The following FGGY variants were observed in gnomAD, a reference collection of about 807,000 sequenced individuals.
FGGY encodes FGGY carbohydrate kinase domain containing.
In FGGY, 72 loss-of-function variants were observed where a neutral mutation model predicts 71.3. The observed-to-expected ratio is 1.01, with a 90% CI of 0.84 to 1.23. The LOEUF (loss-of-function observed/expected upper bound fraction) is 1.23, where lower values mean the gene tolerates loss of function less well. Among genes scored for constraint, FGGY ranks in the 50% most tolerant of loss-of-function variants. The pLI, the probability that FGGY is intolerant of heterozygous loss-of-function variation, is 0.00. For synonymous variants in FGGY, 251 were observed against 250.3 expected (o/e 1.00, Z -0.02); for missense variants, 668 against 682.3 (o/e 0.98, Z 0.23).
chr1:59,598,174 A>C (rs1451661834), intron 8 of FGGY, among the ~76,000 whole-genome samples: 1 of 152,260 alleles, frequency 6.6e-6, no homozygotes, highest in Non-Finnish European at 1.5e-5. Context: ...GAAGGCACAC[A>C]GCTCTCAGAG....
At chr1:59,334,701 G>GA (rs1020391837) in intron 2 of FGGY, among the ~76,000 whole-genome samples, 4 of 151,712 alleles carry the variant, frequency 2.6e-5, no homozygotes, top group South Asian at 4.1e-4. Flanking sequence ...TTCCAAACAG[G>GA]AAAAAAATAA....
At chr1:59,739,639 C>A (rs958232842) in intron 14 of FGGY, among the ~76,000 whole-genome samples, 1 of 152,162 alleles carries the variant, frequency 6.6e-6, no homozygotes, top group East Asian at 1.9e-4. Context: ...GTTTTAGTTT[C>A]TTTCTCTCTA....
At chr1:59,589,062 A>T (rs983748235) in intron 8 of FGGY, among the ~76,000 whole-genome samples, 10 of 152,226 alleles carry the variant, frequency 6.6e-5, no homozygotes, top group Non-Finnish European at 1.3e-4. Flanking sequence ...ATGCAGAGAC[A>T]CACATAGGCT....
intron 8 of FGGY, among the ~76,000 whole-genome samples, chr1:59,559,320 A>C (rs1391854410): frequency 6.6e-6 from 1 of 152,238 alleles, no homozygotes; most frequent in African/African-American, 2.4e-5. Flanking sequence ...GAACTGATAT[A>C]TGTCCATATT....
At chr1:59,550,606 A>T (rs1212935428) in intron 7 of FGGY, among the ~76,000 whole-genome samples, 1 of 151,878 alleles carries the variant, frequency 6.6e-6, no homozygotes, top group African/African-American at 2.4e-5. Context: ...CTGAGGAAGG[A>T]CCTCCATTTG....
intron 2 of FGGY, among the ~76,000 whole-genome samples, chr1:59,332,333 A>G (rs970111574): frequency 2.6e-5 from 4 of 152,276 alleles, no homozygotes; most frequent in African/African-American, 9.6e-5. Context: ...CTTGATTCCA[A>G]GCTGTTACAA....
chr1:59,691,641 C>CTT lies in FGGY; in HGVS notation c.1512+17523_1512+17524dup, dbSNP rs774899362. 3.9e-3 allele frequency among the ~76,000 whole-genome samples: 508 copies of CTT among 131,948 alleles called. 4 individuals carry two copies. The highest frequency in any genetic ancestry group is 0.013 in the African/African-American group (480 of 35,928). The allele number at this position is 131,948 out of a possible 152,430, so 86.6% of individuals were successfully genotyped here. A position where few individuals can be genotyped will look rare whatever the true frequency, so the allele number is the denominator to read the frequency against. ...CTTTTTTGTTCTTTTTTTTTCTTTT[C>CTT]TTTTTTTTTTTTTTTTAACTGTATG... On this transcript the variant is annotated intron_variant, in intron 14 of 15. Transcript: ENST00000303721.
chr1:59,402,406 G>A (rs1557810285), intron 5 of FGGY, among the ~76,000 whole-genome samples: 1 of 152,200 alleles, frequency 6.6e-6, no homozygotes, highest in African/African-American at 2.4e-5. Flanking sequence ...CATCACAGGA[G>A]ATGAAAAGAT....
chr1:59,467,776 C>T (rs2092719226), intron 6 of FGGY, among the ~76,000 whole-genome samples: 1 of 152,226 alleles, frequency 6.6e-6, no homozygotes, highest in Admixed American at 6.5e-5. Flanking sequence ...AACACAGTCA[C>T]TTGGCACATT....
At chr1:59,646,271 T>C (rs1434897861) in intron 11 of FGGY, among the ~76,000 whole-genome samples, 1 of 152,208 alleles carries the variant, frequency 6.6e-6, no homozygotes, top group African/African-American at 2.4e-5. Flanking sequence ...CTCTTTGATA[T>C]GAGTTTGTGG....
intron 2 of FGGY, among the ~76,000 whole-genome samples, chr1:59,324,847 G>A (rs1256961719): frequency 2.6e-5 from 4 of 152,140 alleles, no homozygotes; most frequent in Admixed American, 6.5e-5. Flanking sequence ...CCAGGATTAC[G>A]AGTGCCTTTA....
At chr1:59,296,592 T>C (rs1229519404), upstream of FGGY, 1 of 152,176 alleles carries the variant, frequency 6.6e-6, no homozygotes, top group African/African-American at 2.4e-5. Flanking sequence ...AGCCGCGGGG[T>C]GGGCAGGCGA....
At chr1:59,477,634 A>G (rs2153560554) in intron 6 of FGGY, among the ~76,000 whole-genome samples, 1 of 152,232 alleles carries the variant, frequency 6.6e-6, no homozygotes, top group Non-Finnish European at 1.5e-5. Flanking sequence ...AATTCCGTTA[A>G]ATTTTCATAC....
intron 5 of FGGY, among the ~76,000 whole-genome samples, chr1:59,382,094 A>C (rs2059533868): frequency 6.6e-6 from 1 of 152,170 alleles, no homozygotes; most frequent in Non-Finnish European, 1.5e-5. Flanking sequence ...TGAAGAAGGG[A>C]ATCATTTCCC....
intron 7 of FGGY, among the ~76,000 whole-genome samples, chr1:59,527,235 A>C (rs538068755): frequency 1.3e-5 from 2 of 152,244 alleles, no homozygotes; most frequent in East Asian, 3.8e-4. Flanking sequence ...AAGCTTACTT[A>C]AGTGAAATTA....
chr1:59,571,337 G>C (rs1422760193), intron 8 of FGGY, among the ~76,000 whole-genome samples: 2 of 152,224 alleles, frequency 1.3e-5, no homozygotes, highest in Non-Finnish European at 2.9e-5. Flanking sequence ...GTTGTTTAGA[G>C]CATTCACTCT....
At chr1:59,412,968 C>T (rs1405151398) in intron 5 of FGGY, among the ~76,000 whole-genome samples, 1 of 152,140 alleles carries the variant, frequency 6.6e-6, no homozygotes, top group Non-Finnish European at 1.5e-5. Flanking sequence ...TGCAAGAGCC[C>T]TCATTTTCTG....
At chr1:59,348,244 C>T (rs1285323401) in intron 4 of FGGY, among the ~76,000 whole-genome samples, 2 of 152,154 alleles carry the variant, frequency 1.3e-5, no homozygotes, top group African/African-American at 4.8e-5. Context: ...GGATTTAAGT[C>T]CATATCTTCT....
At chr1:59,731,047 A>G (rs2098021133) in intron 14 of FGGY, among the ~76,000 whole-genome samples, 1 of 152,252 alleles carries the variant, frequency 6.6e-6, no homozygotes, top group South Asian at 2.1e-4. Context: ...CTTGAGGCCA[A>G]GGTCCATTTT....
Sources: gnomAD v4.1 joint callset for allele counts (sites outside exome capture counted in the v4.1 genomes callset) on GRCh38, gnomAD v4.1.1 for gene constraint, MANE v1.5 for transcripts, NCBI Gene and HGNC (gene_info 2026-07-23, HGNC 2026-07-21) for gene names.